ZNF892: variants seen among roughly 807,000 people sequenced by gnomAD.
The protein encoded by ZNF892 is zinc finger protein 892.
chr2:95,244,315 G>A, the ZNF892 span, among the ~76,000 whole-genome samples: 5 of 145,672 alleles, frequency 3.4e-5, no homozygotes, highest in Admixed American at 6.9e-5. Context: ...CCCCCTCTGC[G>A]AGAAACACCC....
At chr2:95,215,897 G>A in the ZNF892 span, among the ~76,000 whole-genome samples, 2 of 152,132 alleles carry the variant, frequency 1.3e-5, no homozygotes, top group Non-Finnish European at 2.9e-5. Context: ...TGGTGGAAAC[G>A]GGACATCTTG....
chr2:95,210,840 AG>A, the ZNF892 span, among the ~76,000 whole-genome samples: 6 of 152,154 alleles, frequency 3.9e-5, no homozygotes, highest in Non-Finnish European at 8.8e-5. Flanking sequence ...TTCTAACTAG[AG>A]AGTCAGGGAA....
At chr2:95,262,543 C>A in the ZNF892 span, among the ~76,000 whole-genome samples, 1 of 152,218 alleles carries the variant, frequency 6.6e-6, no homozygotes, top group Admixed American at 6.5e-5. Flanking sequence ...GAGGGATACA[C>A]CTCCTCTCAG....
the ZNF892 span, among the ~76,000 whole-genome samples, chr2:95,217,705 TC>T: frequency 6.6e-6 from 1 of 152,206 alleles, no homozygotes; most frequent in African/African-American, 2.4e-5. Context: ...GGCCTTCGTT[TC>T]GTCAGATCTT....
chr2:95,221,211 A>G, the ZNF892 span, among the ~76,000 whole-genome samples: 1 of 152,252 alleles, frequency 6.6e-6, no homozygotes, highest in African/African-American at 2.4e-5. Flanking sequence ...GGTATTATTC[A>G]TATAGTCATT....
chr2:95,237,964 T>C, the ZNF892 span, among the ~76,000 whole-genome samples: 1 of 152,228 alleles, frequency 6.6e-6, no homozygotes, highest in East Asian at 1.9e-4. Flanking sequence ...CAGAGGTTGG[T>C]TCCTGAGGTT....
chr2:95,233,204 CTTT>C, the ZNF892 span, among the ~76,000 whole-genome samples: 2 of 143,678 alleles, frequency 1.4e-5, no homozygotes, highest in Admixed American at 7.0e-5. Context: ...TTTTCCTTTT[CTTT>C]TTTTTTTTTG....
chr2:95,234,822 C>G, the ZNF892 span, among the ~76,000 whole-genome samples: 3 of 152,252 alleles, frequency 2.0e-5, no homozygotes, highest in Admixed American at 2.0e-4. Context: ...TCTCTGAAAA[C>G]TAACCCTCTT....
chr2:95,233,139 A>C, the ZNF892 span, among the ~76,000 whole-genome samples: 1 of 151,168 alleles, frequency 6.6e-6, no homozygotes, highest in Admixed American at 6.6e-5. Context: ...ACTCCAAATT[A>C]GTTTTTTTGT....
chr2:95,249,366 C>G, the ZNF892 span, among the ~76,000 whole-genome samples: 6 of 147,410 alleles, frequency 4.1e-5, no homozygotes, highest in East Asian at 9.9e-4. Flanking sequence ...TCAGCCTCCC[C>G]AGTAGCTGGG....
chr2:95,214,255 G>GT, the ZNF892 span: 1 of 397,092 alleles, frequency 2.5e-6, no homozygotes, highest in African/African-American at 2.1e-5. Flanking sequence ...AAACAAACAT[G>GT]TTTCATTAAT....
the ZNF892 span, among the ~76,000 whole-genome samples, chr2:95,218,698 A>G: frequency 6.6e-6 from 1 of 152,188 alleles, no homozygotes; most frequent in South Asian, 2.1e-4. Flanking sequence ...AGCTCAAACA[A>G]CAGAAATTTA....
the ZNF892 span, among the ~76,000 whole-genome samples, chr2:95,246,240 C>T: frequency 6.6e-6 from 1 of 152,218 alleles, no homozygotes; most frequent in African/African-American, 2.4e-5. Context: ...TGATTAATCA[C>T]ATAAACAGAA....
At chr2:95,255,638 A>T in the ZNF892 span, among the ~76,000 whole-genome samples, 1 of 152,094 alleles carries the variant, frequency 6.6e-6, no homozygotes, top group Non-Finnish European at 1.5e-5. Flanking sequence ...TATCCTTGTT[A>T]ACTTTCTGTC....
chr2:95,227,457 G>A, the ZNF892 span, among the ~76,000 whole-genome samples: 1 of 151,738 alleles, frequency 6.6e-6, no homozygotes, highest in East Asian at 1.9e-4. Context: ...CCAGGTAGCT[G>A]GGACTATAAG....
the ZNF892 span, among the ~76,000 whole-genome samples, chr2:95,254,380 C>T: frequency 3.9e-5 from 6 of 152,090 alleles, no homozygotes; most frequent in East Asian, 1.9e-4. Flanking sequence ...TGCTGGATTA[C>T]GTTTATTGAT....
chr2:95,249,643 A>AT, the ZNF892 span, among the ~76,000 whole-genome samples: 6 of 152,236 alleles, frequency 3.9e-5, no homozygotes, highest in Non-Finnish European at 5.9e-5. Context: ...ATCCTGTAGT[A>AT]TACCAGCACA....
At chr2:95,255,167 T>A in the ZNF892 span, among the ~76,000 whole-genome samples, 3 of 152,196 alleles carry the variant, frequency 2.0e-5, no homozygotes, top group African/African-American at 7.2e-5. Context: ...TTAATTATGA[T>A]GTTAGGGTGT....
At chr2:95,245,453 G>GC in the ZNF892 span, among the ~76,000 whole-genome samples, 18 of 91,020 alleles carry the variant, frequency 2.0e-4, 1 homozygote, top group South Asian at 1.4e-3. Flanking sequence ...GAGACGGCGG[G>GC]GGGGGGGGGG....
Sources: allele counts gnomAD v4.1 joint callset (sites outside exome capture counted in the v4.1 genomes callset), GRCh38; gene constraint gnomAD v4.1.1; transcripts MANE v1.5; gene names NCBI Gene and HGNC (gene_info 2026-07-23, HGNC 2026-07-21).